Variants in TEK observed in about 807,000 individuals in gnomAD.
The protein encoded by TEK is angiopoietin-1 receptor.
In TEK, 43 loss-of-function variants were observed where a neutral mutation model predicts 131.8. The ratio of observed to expected loss-of-function variants is 0.33; its 90% confidence interval spans 0.26 to 0.42. The LOEUF is 0.42. Among genes scored for constraint, TEK ranks in the 10% least tolerant of loss-of-function variants. The pLI is 1.00. For missense variants in TEK, 1,162 were observed against 1,384.4 expected (o/e 0.84, Z 2.55); for synonymous variants, 580 against 491.6 (o/e 1.18, Z -2.38).
At chr9:27,154,131 T>A (rs1587525889) in intron 1 of TEK, among the ~76,000 whole-genome samples, 1 of 152,294 alleles carries the variant, frequency 6.6e-6, no homozygotes, top group South Asian at 2.1e-4. Flanking sequence ...CAGCTGCCAT[T>A]TTTTTCTCTC....
At chr9:27,224,406 C>T (rs1010472494) in intron 21 of TEK, among the ~76,000 whole-genome samples, 7 of 149,998 alleles carry the variant, frequency 4.7e-5, no homozygotes, top group East Asian at 4.0e-4. Context: ...AAAAGCTTAT[C>T]CACCATGATC....
At chr9:27,213,422 A>G (rs1010322886) in intron 17 of TEK, 62 bp from the exon 18 acceptor site, 1 of 1,257,986 alleles carries the variant, frequency 7.9e-7, no homozygotes, top group Non-Finnish European at 1.2e-6. Flanking sequence ...CCTGTTCCCC[A>G]AAGTTTTCAG....
At chr9:27,203,772 A>C (rs551940798) in intron 13 of TEK, among the ~76,000 whole-genome samples, 1 of 152,240 alleles carries the variant, frequency 6.6e-6, no homozygotes, top group African/African-American at 2.4e-5. Context: ...GTTGTGTACA[A>C]TGTGTGCCAG....
At position 27,109,514 on chromosome 9, in the gene TEK, A is replaced by G; in HGVS notation, c.-77A>G. Reference sequence around the variant, plus strand: ...TAGGACGATGCTAATGGAAAGTCACAAACCGCTGGGTTTTTGAAAGGATCC... The same window carrying G: ...TAGGACGATGCTAATGGAAAGTCACGAACCGCTGGGTTTTTGAAAGGATCC... On this transcript the variant is annotated 5_prime_UTR_variant, in exon 1 of 23. Transcript: ENST00000380036. 6.6e-7 allele frequency: 1 copy of G among 1,523,594 alleles called. No homozygotes were observed. Among genetic ancestry groups the G allele is most frequent in the Non-Finnish European group, 9.1e-7 (1 of 1,097,468 alleles). The allele number at this position is 1,523,594 out of a possible 1,614,324, so 94.4% of individuals were successfully genotyped here.
intron 21 of TEK, among the ~76,000 whole-genome samples, chr9:27,221,162 G>T (rs559188622): frequency 6.6e-6 from 1 of 152,122 alleles, no homozygotes; most frequent in Non-Finnish European, 1.5e-5. Flanking sequence ...AGGGAAGTTC[G>T]AACTGGGTGG....
rs55910117 is a variant in TEK at position 27,218,133 on chromosome 9, C to T, written c.3062+375C>T. On this transcript the variant is annotated intron_variant, in intron 19 of 22. Transcript: ENST00000380036. ...GGGACAAAATAAGGCCAGACAGTGG[C>T]GGGGGTCGTCTCTGCTTGCAGCCTG... Among the ~76,000 whole-genome samples the T allele has an allele frequency of 6.3e-5, 9 of 143,922 alleles. No homozygotes were observed. The East Asian group carries it at 1.2e-3, about 18-fold the overall frequency. 94.4% of individuals were successfully genotyped at this position (143,922 alleles called of 152,430 possible).
chr9:27,115,265 G>GAGGC (rs1246020616), intron 1 of TEK, among the ~76,000 whole-genome samples: 1 of 152,168 alleles, frequency 6.6e-6, no homozygotes, highest in Non-Finnish European at 1.5e-5. Flanking sequence ...TTGGGAGACT[G>GAGGC]AGGCAGACAA....
intron 7 of TEK, 45 bp from the exon 8 acceptor site, chr9:27,183,414 G>C: frequency 1.2e-6 from 2 of 1,600,472 alleles, no homozygotes; most frequent in Non-Finnish European, 1.7e-6. Flanking sequence ...ACTGCTGCTG[G>C]CTCTGTTAAA....
chr9:27,225,826 G>A (rs1473926089), intron 21 of TEK, among the ~76,000 whole-genome samples: 2 of 152,126 alleles, frequency 1.3e-5, no homozygotes, highest in African/African-American at 2.4e-5. Flanking sequence ...GAAAATTTTT[G>A]CAATCTATCC....
At chr9:27,178,855 A>G (rs1195932858) in intron 6 of TEK, among the ~76,000 whole-genome samples, 1 of 152,234 alleles carries the variant, frequency 6.6e-6, no homozygotes, top group Non-Finnish European at 1.5e-5. Context: ...ATATTCTACT[A>G]TAAAGAAACA....
chr9:27,222,679 A>G (rs1011855625), intron 21 of TEK, among the ~76,000 whole-genome samples: 1 of 152,204 alleles, frequency 6.6e-6, no homozygotes, highest in African/African-American at 2.4e-5. Flanking sequence ...TTTTGTCACC[A>G]CCAGGCATAC....
chr9:27,137,242 C>A (rs1260162146), intron 1 of TEK, among the ~76,000 whole-genome samples: 1 of 152,072 alleles, frequency 6.6e-6, no homozygotes, highest in Non-Finnish European at 1.5e-5. Context: ...GATAAAACTT[C>A]ACGGATATTT....
At chr9:27,155,302 C>G (rs1294004900) in intron 1 of TEK, among the ~76,000 whole-genome samples, 1 of 152,146 alleles carries the variant, frequency 6.6e-6, no homozygotes, top group East Asian at 1.9e-4. Context: ...TTTTACTATC[C>G]TAACTTGTAT....
At chr9:27,188,413 C>A (rs749124776) in intron 9 of TEK, among the ~76,000 whole-genome samples, 2 of 152,106 alleles carry the variant, frequency 1.3e-5, no homozygotes, top group Non-Finnish European at 2.9e-5. Context: ...TAAGAGGAAG[C>A]CTTTGTAGCA....
rs147303352 is a variant in TEK at position 27,221,395 on chromosome 9, T to A, written c.3200+1250T>A. Among the ~76,000 whole-genome samples, 818 of 152,260 alleles carry A rather than the reference T, an allele frequency of 5.4e-3. 41 individuals carry two copies. In the East Asian group the frequency reaches 0.12, roughly 23 times the overall value. On this transcript the variant is annotated intron_variant, in intron 21 of 22. Transcript: ENST00000380036. ...TGCCAGCTCTGAAGAGAGCAGTGGA[T>A]CTCCCAGCACAGCACTTGAGCTCTG...
At chr9:27,123,872 G>A (rs957759982) in intron 1 of TEK, among the ~76,000 whole-genome samples, 2 of 152,196 alleles carry the variant, frequency 1.3e-5, no homozygotes, top group Non-Finnish European at 2.9e-5. Flanking sequence ...CGCCTCTCAG[G>A]TTCAAGCTAT....
In TEK at chr9:27,203,135, A is replaced by G. The variant is rs1825279986; in HGVS notation, c.2209+16A>G. ...GAATCTCAAGGTTGGTTGAATGGAC[A>G]AGTATTTACATAGGATTACCGTGCA... On this transcript the variant is annotated intron_variant, in intron 13 of 22. Coordinates refer to ENST00000380036, the MANE Select transcript of TEK (RefSeq NM_000459.5). 1 of 1,613,732 alleles carries G rather than the reference A, an allele frequency of 6.2e-7. No individual in the cohort carries two copies. Among genetic ancestry groups the G allele is most frequent in the Non-Finnish European group, 8.5e-7 (1 of 1,179,730 alleles).
chr9:27,213,767 A>G (rs1414959592), intron 18 of TEK, among the ~76,000 whole-genome samples, 170 bp downstream of exon 18: 1 of 152,188 alleles, frequency 6.6e-6, no homozygotes, highest in Non-Finnish European at 1.5e-5. Flanking sequence ...GGTTCCTAAC[A>G]TGATTGCAGC....
At chr9:27,223,617 A>T (rs1826182151) in intron 21 of TEK, among the ~76,000 whole-genome samples, 1 of 152,232 alleles carries the variant, frequency 6.6e-6, no homozygotes, top group Non-Finnish European at 1.5e-5. Context: ...CATTTAAAGC[A>T]GTGTGTAGAG....
Sources: gnomAD v4.1 joint callset for allele counts (sites outside exome capture counted in the v4.1 genomes callset) on GRCh38, gnomAD v4.1.1 for gene constraint, MANE v1.5 for transcripts, NCBI Gene and HGNC (gene_info 2026-07-23, HGNC 2026-07-21) for gene names.